DPP10: variants seen among roughly 807,000 people sequenced by gnomAD.
DPP10 encodes inactive dipeptidyl peptidase 10.
DPP10 carries 33 observed loss-of-function variants against 120.9 expected under a neutral mutation model. The observed-to-expected ratio is 0.27, with a 90% CI of 0.21 to 0.37. The LOEUF (loss-of-function observed/expected upper bound fraction) is 0.37, where lower values mean the gene tolerates loss of function less well. Among genes scored for constraint, DPP10 ranks in the 10% least tolerant of loss-of-function variants. DPP10 has a pLI of 1.00. For synonymous variants in DPP10, 337 were observed against 326.1 expected (o/e 1.03, Z -0.36); for missense variants, 816 against 942.8 (o/e 0.87, Z 1.76).
At chr2:114,600,104 T>A (rs545961917) in intron 1 of DPP10, among the ~76,000 whole-genome samples, 23 of 151,704 alleles carry the variant, frequency 1.5e-4, no homozygotes, top group African/African-American at 5.3e-4. Flanking sequence ...AGCCACCATA[T>A]CTTTGGATAT....
At chr2:114,972,618 C>T (rs1379135095) in intron 1 of DPP10, among the ~76,000 whole-genome samples, 3 of 152,168 alleles carry the variant, frequency 2.0e-5, no homozygotes, top group African/African-American at 4.8e-5. Flanking sequence ...CAGTTTCATC[C>T]TGTATTGACT....
intron 1 of DPP10, among the ~76,000 whole-genome samples, chr2:115,118,486 C>T (rs1303940669): frequency 6.6e-6 from 1 of 152,176 alleles, no homozygotes; most frequent in Non-Finnish European, 1.5e-5. Context: ...GCACTCAATA[C>T]TTGCCTAACT....
intron 1 of DPP10, among the ~76,000 whole-genome samples, chr2:115,178,343 C>T (rs1047031331): frequency 6.6e-6 from 1 of 152,176 alleles, no homozygotes; most frequent in Non-Finnish European, 1.5e-5. Flanking sequence ...CCCGGTTCTG[C>T]CACCTAGAAG....
chr2:114,674,531 T>G (rs2105660579), intron 1 of DPP10, among the ~76,000 whole-genome samples: 1 of 152,308 alleles, frequency 6.6e-6, no homozygotes, highest in African/African-American at 2.4e-5. Context: ...AAACCTCTTT[T>G]TAAATAAACA....
intron 1 of DPP10, among the ~76,000 whole-genome samples, chr2:114,564,418 A>C (rs1355266558): frequency 1.3e-5 from 2 of 152,186 alleles, no homozygotes; most frequent in Non-Finnish European, 2.9e-5. Flanking sequence ...GAAAGACTCA[A>C]GACCATGGTT....
At chr2:114,864,495 C>T (rs139640234) in intron 1 of DPP10, among the ~76,000 whole-genome samples, 8 of 152,322 alleles carry the variant, frequency 5.3e-5, no homozygotes, top group Non-Finnish European at 7.3e-5. Flanking sequence ...TACCAGCCCA[C>T]TGAGAAGTGT....
rs55977983 is a variant in DPP10, at chr2:115,751,805, T to TG, written c.951-1369_951-1368insG. Among the ~76,000 whole-genome samples, 251 of 54,730 alleles carry TG rather than the reference T, an allele frequency of 4.6e-3. No homozygotes were observed. In the East Asian group the frequency reaches 0.085, roughly 19 times the overall value. 35.9% of individuals were successfully genotyped at this position (54,730 alleles called of 152,430 possible). ...ATTAACTGTGTTTTTTTTTTGTTGT[T>TG]TTTTTTTTTTTGAGACAGAGTCTTG... On this transcript the variant is annotated intron_variant, in intron 10 of 25. Coordinates refer to ENST00000410059, the MANE Select transcript of DPP10 (RefSeq NM_020868.6).
chr2:114,754,357 AT>A (rs1679536357), intron 1 of DPP10, among the ~76,000 whole-genome samples: 1 of 152,212 alleles, frequency 6.6e-6, no homozygotes, highest in South Asian at 2.1e-4. Flanking sequence ...AGTCTTTTAT[AT>A]CATTGCCCAT....
intron 1 of DPP10, among the ~76,000 whole-genome samples, chr2:114,517,342 G>A (rs1345470947): frequency 5.3e-5 from 8 of 152,108 alleles, no homozygotes; most frequent in African/African-American, 1.9e-4. Flanking sequence ...CCAACATGGT[G>A]AAACCCCATC....
In DPP10 at chr2:114,907,436, G is replaced by GATT. The variant is rs1558867715; in HGVS notation, c.61-401803_61-401802insATT. Reference sequence around the variant, plus strand: ...CTCTTTTTTAAATATAGAATTTACAGCTATATATTTATCTTAAAGCGCTGC... The same window carrying GATT: ...CTCTTTTTTAAATATAGAATTTACAGATTCTATATATTTATCTTAAAGCGCTGC... On this transcript the variant is annotated intron_variant, in intron 1 of 25. Coordinates refer to ENST00000410059, the MANE Select transcript of DPP10 (RefSeq NM_020868.6). Among the ~76,000 whole-genome samples the GATT allele has an allele frequency of 1.4e-4, 22 of 152,048 alleles. No individual in the cohort carries two copies. The South Asian group carries it at 4.6e-3, about 32-fold the overall frequency.
At chr2:114,626,152 C>T (rs2105352028) in intron 1 of DPP10, among the ~76,000 whole-genome samples, 1 of 151,426 alleles carries the variant, frequency 6.6e-6, no homozygotes, top group African/African-American at 2.4e-5. Flanking sequence ...AATGTGATTA[C>T]TCATTTGCCT....
At chr2:115,081,019 C>T (rs534155511) in intron 1 of DPP10, among the ~76,000 whole-genome samples, 1 of 152,286 alleles carries the variant, frequency 6.6e-6, no homozygotes, top group South Asian at 2.1e-4. Flanking sequence ...TATTTTGTTG[C>T]TGTTCTTCAC....
At chr2:114,714,753 T>A (rs892770262) in intron 1 of DPP10, among the ~76,000 whole-genome samples, 1 of 152,070 alleles carries the variant, frequency 6.6e-6, no homozygotes, top group African/African-American at 2.4e-5. Flanking sequence ...TCCGAGTAAG[T>A]CTATGATTGT....
chr2:114,891,133 A>C (rs941347936), intron 1 of DPP10, among the ~76,000 whole-genome samples: 1 of 152,224 alleles, frequency 6.6e-6, no homozygotes, highest in African/African-American at 2.4e-5. Flanking sequence ...AAAGCATGAA[A>C]GAATGCTCAT....
chr2:115,289,657 A>G (rs2060574054), intron 1 of DPP10, among the ~76,000 whole-genome samples: 1 of 152,092 alleles, frequency 6.6e-6, no homozygotes, highest in Admixed American at 6.6e-5. Flanking sequence ...AGACACGAAG[A>G]CCAATGAAGC....
intron 1 of DPP10, among the ~76,000 whole-genome samples, chr2:114,677,450 G>A (rs1215300427): frequency 6.6e-6 from 1 of 152,096 alleles, no homozygotes; most frequent in African/African-American, 2.4e-5. Flanking sequence ...ACATCTCATA[G>A]CAGCTCCTGT....
chr2:114,860,288 G>A (rs1338880045), intron 1 of DPP10, among the ~76,000 whole-genome samples: 1 of 152,112 alleles, frequency 6.6e-6, no homozygotes, highest in Non-Finnish European at 1.5e-5. Context: ...AAGTTACTGA[G>A]TATCTACCAT....
intron 1 of DPP10, among the ~76,000 whole-genome samples, chr2:114,765,039 T>C (rs902457137): frequency 8.5e-5 from 13 of 152,166 alleles, no homozygotes; most frequent in Non-Finnish European, 1.5e-4. Context: ...TTGGTCCATA[T>C]TGGGGCCATC....
At chr2:115,237,632 A>C (rs2058069566) in intron 1 of DPP10, among the ~76,000 whole-genome samples, 1 of 152,212 alleles carries the variant, frequency 6.6e-6, no homozygotes, top group African/African-American at 2.4e-5. Flanking sequence ...CAAGTTGTGA[A>C]TGCAAAGGAA....
Sources: allele counts gnomAD v4.1 joint callset (sites outside exome capture counted in the v4.1 genomes callset), GRCh38; gene constraint gnomAD v4.1.1; transcripts MANE v1.5; gene names NCBI Gene and HGNC (gene_info 2026-07-23, HGNC 2026-07-21).